The following CDH13 variants were observed in gnomAD, a reference collection of about 807,000 sequenced individuals.
CDH13 encodes the protein cadherin-13.
Under a neutral mutation model 63.8 loss-of-function variants are expected in CDH13, and 24 were observed. The observed-to-expected ratio is 0.38, with a 90% CI of 0.27 to 0.53. The LOEUF (loss-of-function observed/expected upper bound fraction) is 0.53, where lower values mean the gene tolerates loss of function less well. CDH13 is among the 20% of genes least tolerant of loss of function. The pLI is 0.85. For synonymous variants in CDH13, 503 were observed against 355.3 expected, an observed-to-expected ratio of 1.42 and a Z score of -4.67; for missense variants, 1,049 against 903.1, an observed-to-expected ratio of 1.16 and a Z score of -2.07.
At chr16:83,322,125 C>T (rs1205602009) in intron 5 of CDH13, among the ~76,000 whole-genome samples, 1 of 152,260 alleles carries the variant, frequency 6.6e-6, no homozygotes, top group East Asian at 1.9e-4. Flanking sequence ...GCCCAGAGCC[C>T]TGGGATCGTT....
At chr16:83,055,936 A>T (rs1281904856) in intron 3 of CDH13, among the ~76,000 whole-genome samples, 4 of 152,198 alleles carry the variant, frequency 2.6e-5, no homozygotes, top group African/African-American at 9.6e-5. Context: ...GTGGAAAAAA[A>T]ATCTTTGTAA....
At chr16:83,463,970 T>C (rs181896832) in intron 6 of CDH13, among the ~76,000 whole-genome samples, 10 of 152,248 alleles carry the variant, frequency 6.6e-5, no homozygotes, top group Admixed American at 5.2e-4. Flanking sequence ...ACCACCACTT[T>C]TGTAGCAGGA....
intron 5 of CDH13, among the ~76,000 whole-genome samples, chr16:83,235,082 A>G (rs1388767092): frequency 2.0e-5 from 3 of 152,210 alleles, no homozygotes; most frequent in Non-Finnish European, 2.9e-5. Context: ...TTATGCACCT[A>G]TAATCCTAGT....
At chr16:83,608,321 G>T (rs1430247814) in intron 8 of CDH13, among the ~76,000 whole-genome samples, 1 of 152,218 alleles carries the variant, frequency 6.6e-6, no homozygotes, top group Non-Finnish European at 1.5e-5. Flanking sequence ...AAGGTAAATG[G>T]TAGGAGTTAG....
intron 4 of CDH13, among the ~76,000 whole-genome samples, chr16:83,216,963 G>A (rs570516715): frequency 3.9e-4 from 60 of 152,060 alleles, no homozygotes; most frequent in Non-Finnish European, 6.9e-4. Context: ...CAATGCATGC[G>A]CAGCAAATGG....
rs570834923 is a variant in CDH13 at position 83,376,132 on chromosome 16, G to T, written c.781+31126G>T. 5.3e-5 allele frequency among the ~76,000 whole-genome samples: 8 copies of T among 152,226 alleles called. No homozygotes were observed. The South Asian group carries it at 1.2e-3, about 24-fold the overall frequency. ...TCCCCAGGTGATAGCAAACAAAAAT[G>T]GCCACCTGGCATTTTCCCTACTATT... On this transcript the variant is annotated intron_variant, in intron 6 of 13. Transcript: ENST00000567109.
At chr16:82,891,996 G>A (rs2151223494) in intron 2 of CDH13, among the ~76,000 whole-genome samples, 1 of 152,146 alleles carries the variant, frequency 6.6e-6, no homozygotes, top group Admixed American at 6.5e-5. Flanking sequence ...GCCCAGTTGG[G>A]GCTGCATGAG....
Position 82,774,152 on chromosome 16 carries a change from A to C in CDH13, c.46-84210A>C, listed in dbSNP as rs981335190. ...CTTTAAAAAAAAAATGTGCTTCCCTAATTGGTTGCCAACAGAGAGGCTACA... is the reference window on the plus strand; with the variant it reads ...CTTTAAAAAAAAAATGTGCTTCCCTCATTGGTTGCCAACAGAGAGGCTACA... On this transcript the variant is annotated intron_variant, in intron 1 of 13. Transcript: ENST00000567109. Among the ~76,000 whole-genome samples, 53 of 152,070 alleles carry C rather than the reference A, an allele frequency of 3.5e-4. 1 individual carries two copies. Among genetic ancestry groups the C allele is most frequent in the African/African-American group, 1.2e-3 (51 of 41,400 alleles).
intron 7 of CDH13, among the ~76,000 whole-genome samples, chr16:83,589,320 C>G (rs1906507659): frequency 7.3e-6 from 1 of 136,940 alleles, no homozygotes; most frequent in African/African-American, 2.7e-5. Context: ...CCCCTCTCCC[C>G]CTCCCTCTTT....
intron 7 of CDH13, among the ~76,000 whole-genome samples, chr16:83,498,333 C>T (rs1294920391): frequency 1.3e-5 from 2 of 152,136 alleles, no homozygotes; most frequent in Non-Finnish European, 2.9e-5. Flanking sequence ...TCTAGAGGCT[C>T]CAAAGGAGTC....
At chr16:83,422,239 T>C (rs530402717) in intron 6 of CDH13, among the ~76,000 whole-genome samples, 13 of 152,320 alleles carry the variant, frequency 8.5e-5, no homozygotes, top group Admixed American at 8.5e-4. Context: ...AATAATTCGT[T>C]TTGAAGATGT....
chr16:82,790,364 G>A (rs1375548165), intron 1 of CDH13, among the ~76,000 whole-genome samples: 2 of 152,112 alleles, frequency 1.3e-5, no homozygotes, highest in Admixed American at 1.3e-4. Flanking sequence ...GAACCCGGGA[G>A]GCAGAGGTTG....
intron 3 of CDH13, among the ~76,000 whole-genome samples, chr16:83,106,983 C>G (rs1177490560): frequency 2.0e-5 from 3 of 152,012 alleles, no homozygotes; most frequent in Admixed American, 6.6e-5. Flanking sequence ...AGCTAAAACT[C>G]TGGGCAGACA....
At chr16:82,725,396 C>T (rs754751763) in intron 1 of CDH13, among the ~76,000 whole-genome samples, 1 of 152,154 alleles carries the variant, frequency 6.6e-6, no homozygotes, top group South Asian at 2.1e-4. Flanking sequence ...TGGAGCTGGA[C>T]TGTCTGGCTT....
intron 3 of CDH13, among the ~76,000 whole-genome samples, chr16:83,124,892 C>A (rs2035742536): frequency 6.6e-6 from 1 of 152,138 alleles, no homozygotes; most frequent in South Asian, 2.1e-4. Flanking sequence ...TAGATTTATA[C>A]CAGTACCATC....
intron 5 of CDH13, among the ~76,000 whole-genome samples, chr16:83,296,386 C>T (rs2089598114): frequency 6.6e-6 from 1 of 152,054 alleles, no homozygotes; most frequent in Admixed American, 6.6e-5. Flanking sequence ...AATTAAGTAC[C>T]AAGAAATGCT....
chr16:83,146,914 C>G (rs999171619), intron 4 of CDH13, among the ~76,000 whole-genome samples: 1 of 152,126 alleles, frequency 6.6e-6, no homozygotes, highest in Non-Finnish European at 1.5e-5. Context: ...ATGGTGAAAC[C>G]CTGTCTCTAC....
chr16:83,364,100 T>C (rs2091214142), intron 6 of CDH13, among the ~76,000 whole-genome samples: 1 of 152,208 alleles, frequency 6.6e-6, no homozygotes, highest in Non-Finnish European at 1.5e-5. Flanking sequence ...GTTATATAAA[T>C]GTCAACGCAA....
chr16:83,000,806 C>T (rs1469777810), intron 2 of CDH13, among the ~76,000 whole-genome samples: 1 of 152,050 alleles, frequency 6.6e-6, no homozygotes, highest in East Asian at 1.9e-4. Flanking sequence ...ATCTCAATCT[C>T]CTGCCCGCAT....
Sources: gnomAD v4.1 joint callset for allele counts (sites outside exome capture counted in the v4.1 genomes callset) on GRCh38, gnomAD v4.1.1 for gene constraint, MANE v1.5 for transcripts, NCBI Gene and HGNC (gene_info 2026-07-23, HGNC 2026-07-21) for gene names.